Variants in GBA1 observed in about 807,000 individuals in gnomAD.
The protein encoded by GBA1 is lysosomal acid glucosylceramidase.
the GBA1 span, chr1:155,236,189 A>T: frequency 6.9e-7 from 1 of 1,454,920 alleles, no homozygotes; most frequent in Non-Finnish European, 9.6e-7. Flanking sequence ...GTCTTTGGTG[A>T]AACTAGTAAG....
At chr1:155,236,338 G>A in the GBA1 span, 1 of 1,614,222 alleles carries the variant, frequency 6.2e-7, no homozygotes, top group South Asian at 1.1e-5. Flanking sequence ...AGGCCTCTGA[G>A]GCAAAGAGCA....
At chr1:155,239,683 A>T in the GBA1 span, 10 of 1,614,032 alleles carry the variant, frequency 6.2e-6, no homozygotes, top group Middle Eastern at 3.3e-4. Context: ...GGATGTTGAG[A>T]GCAGCAGCAT....
the GBA1 span, chr1:155,240,016 G>C: frequency 6.2e-7 from 1 of 1,614,026 alleles, no homozygotes; most frequent in Non-Finnish European, 8.5e-7. Context: ...CACAGTATGT[G>C]GCATTGCAGA....
At chr1:155,240,583 C>T in the GBA1 span, 1 of 1,427,940 alleles carries the variant, frequency 7.0e-7, no homozygotes, top group South Asian at 1.1e-5. Flanking sequence ...GACTATGAGG[C>T]AGAAGGGAGG....
At chr1:155,240,530 C>A in the GBA1 span, 2 of 919,586 alleles carry the variant, frequency 2.2e-6, no homozygotes. Context: ...TTATTGAGCA[C>A]CTACTAAAAG....
chr1:155,242,177 C>G, the GBA1 span, among the ~76,000 whole-genome samples: 2 of 152,160 alleles, frequency 1.3e-5, no homozygotes, highest in Non-Finnish European at 2.9e-5. Flanking sequence ...CAGTGCCTGA[C>G]CACTTGGTAG....
chr1:155,243,781 G>GT, the GBA1 span, among the ~76,000 whole-genome samples: 739 of 145,024 alleles, frequency 5.1e-3, 5 homozygotes, highest in Middle Eastern at 7.2e-3. Context: ...TTTTTGTTTT[G>GT]TTTTTTTTTT....
At chr1:155,236,205 TGAG>T in the GBA1 span, 1 of 1,536,764 alleles carries the variant, frequency 6.5e-7, no homozygotes, top group Non-Finnish European at 9.0e-7. Context: ...GTAAGAGGTC[TGAG>T]GTCTGCTTTG....
the GBA1 span, chr1:155,240,775 C>T: frequency 6.9e-7 from 1 of 1,456,208 alleles, no homozygotes; most frequent in Non-Finnish European, 9.6e-7. Flanking sequence ...CTCAACTACT[C>T]TCCTGGGCAG....
At chr1:155,237,639 G>C in the GBA1 span, 21 of 1,600,258 alleles carry the variant, frequency 1.3e-5, no homozygotes, top group Non-Finnish European at 1.8e-5. Flanking sequence ...AGCTGGGTGT[G>C]GTGGCTCACA....
chr1:155,237,811 A>G, the GBA1 span: 2 of 881,872 alleles, frequency 2.3e-6, no homozygotes, highest in Non-Finnish European at 3.4e-6. Flanking sequence ...CTGAGGCAGG[A>G]GAATTGCTTG....
the GBA1 span, chr1:155,236,258 T>C: frequency 6.2e-7 from 1 of 1,613,918 alleles, no homozygotes; most frequent in Non-Finnish European, 8.5e-7. Flanking sequence ...GATGATGCTG[T>C]GGCTGTACTG....
At chr1:155,239,873 G>T in the GBA1 span, 2 of 1,613,974 alleles carry the variant, frequency 1.2e-6, no homozygotes, top group African/African-American at 1.3e-5. Context: ...GGGGTGAGGG[G>T]TGTAATGGTT....
chr1:155,241,269 G>A, the GBA1 span: 1 of 710,892 alleles, frequency 1.4e-6, no homozygotes, highest in Non-Finnish European at 2.6e-6. Flanking sequence ...ATGTGGATGG[G>A]TCATGTGATG....
chr1:155,241,207 CT>C, the GBA1 span: 1 of 1,226,354 alleles, frequency 8.2e-7, no homozygotes, highest in Non-Finnish European at 1.2e-6. Context: ...ATGCAGGTAC[CT>C]GCCTTAGCTA....
chr1:155,240,184 C>T, the GBA1 span: 1 of 1,050,572 alleles, frequency 9.5e-7, no homozygotes. Context: ...CACCCCTTGG[C>T]CGGGCGCAGG....
chr1:155,243,414 C>T, the GBA1 span, among the ~76,000 whole-genome samples: 19 of 152,198 alleles, frequency 1.2e-4, no homozygotes, highest in African/African-American at 4.1e-4. Flanking sequence ...ACATCTCCTT[C>T]CACTTCCCCT....
At chr1:155,239,298 G>A in the GBA1 span, among the ~76,000 whole-genome samples, 7 of 152,114 alleles carry the variant, frequency 4.6e-5, no homozygotes, top group Non-Finnish European at 1.0e-4. Flanking sequence ...GGGAGGCCAA[G>A]GCAGGTATAT....
the GBA1 span, chr1:155,237,264 C>A: frequency 1.9e-6 from 3 of 1,608,666 alleles, no homozygotes; most frequent in South Asian, 1.1e-5. Context: ...GTAGAGAAAT[C>A]GCTCTAAGTT....
Sources: gnomAD v4.1 joint callset for allele counts (sites outside exome capture counted in the v4.1 genomes callset) on GRCh38, gnomAD v4.1.1 for gene constraint, MANE v1.5 for transcripts, NCBI Gene and HGNC (gene_info 2026-07-23, HGNC 2026-07-21) for gene names.